The following VPS35L variants were observed in gnomAD, a reference collection of about 807,000 sequenced individuals.
The protein encoded by VPS35L is VPS35 endosomal protein-sorting factor-like.
Under a neutral mutation model 133.0 loss-of-function variants are expected in VPS35L, and 83 were observed. The ratio of observed to expected loss-of-function variants is 0.62; its 90% CI spans 0.52 to 0.75. The LOEUF (loss-of-function observed/expected upper bound fraction) is 0.75, where lower values mean the gene tolerates loss of function less well. Among genes scored for constraint, VPS35L ranks in the 30% least tolerant of loss-of-function variants. The pLI, the probability that VPS35L is intolerant of heterozygous loss-of-function variation, is 0.00. For missense variants in VPS35L, 1,083 were observed against 1,206.8 expected, an observed-to-expected ratio of 0.90 and a Z score of 1.52; for synonymous variants, 423 against 449.9, an observed-to-expected ratio of 0.94 and a Z score of 0.76.
Position 19,682,233 on chromosome 16 carries a change from T to G in VPS35L, c.2370T>G (p.Pro790=). 6 of 1,614,122 alleles carry G rather than the reference T, an allele frequency of 3.7e-6. No homozygotes were observed. Among genetic ancestry groups the G allele is most frequent in the Non-Finnish European group, 5.1e-6 (6 of 1,179,994 alleles). The change falls in exon 28 of 31, where the codon CCT becomes CCG. Residue 790 remains proline (P), a synonymous_variant. Transcript: ENST00000417362. ...FSTLLIVPDH[P]EHGVLFLVRE... is the part of the protein sequence containing the mutation. ...TTTCGGTTCTCTGCTAGGATCATCC[T>G]GAACATGGGGTCCTGTTTCTTGTTC...
chr16:19,603,970 G>A (rs946738720), intron 9 of VPS35L, among the ~76,000 whole-genome samples: 8 of 151,948 alleles, frequency 5.3e-5, no homozygotes, highest in Non-Finnish European at 8.8e-5. Flanking sequence ...GACCTCAGGT[G>A]ATCCACCCAC....
chr16:19,609,743 A>G (rs948079942), intron 11 of VPS35L, among the ~76,000 whole-genome samples: 8 of 152,134 alleles, frequency 5.3e-5, no homozygotes, highest in Non-Finnish European at 1.2e-4. Context: ...TTGGATTTGG[A>G]TCTAGGGTTG....
chr16:19,653,103 A>G (rs1974186583), intron 26 of VPS35L, among the ~76,000 whole-genome samples: 1 of 152,218 alleles, frequency 6.6e-6, no homozygotes, highest in Admixed American at 6.5e-5. Context: ...CAAGGAAGAC[A>G]GGTGATTTTC....
intron 8 of VPS35L, among the ~76,000 whole-genome samples, chr16:19,594,643 TCAA>T (rs1972145471): frequency 9.6e-5 from 1 of 10,374 alleles, no homozygotes; most frequent in African/African-American, 3.1e-4. Context: ...AGATTTCGTC[TCAA>T]AAAAAAAAAA....
chr16:19,694,464 T>G (rs1222397899), intron 29 of VPS35L: 3 of 152,064 alleles, frequency 2.0e-5, no homozygotes, highest in Non-Finnish European at 2.9e-5. Context: ...AAGCTTGTCT[T>G]AGCTTTTTCC....
At chr16:19,630,296 T>C (rs1973405816) in intron 18 of VPS35L, among the ~76,000 whole-genome samples, 1 of 151,238 alleles carries the variant, frequency 6.6e-6, no homozygotes, top group Non-Finnish European at 1.5e-5. Flanking sequence ...CTTGCCAGAG[T>C]AATTTGTTTA....
chr16:19,636,035 A>G (rs1284186261), intron 19 of VPS35L, among the ~76,000 whole-genome samples: 1 of 151,976 alleles, frequency 6.6e-6, no homozygotes, highest in East Asian at 1.9e-4. Flanking sequence ...AAAATATAAA[A>G]ATTAGATGGG....
At chr16:19,591,914 G>T in intron 8 of VPS35L, 40 bp downstream of exon 8, 3 of 1,470,998 alleles carry the variant, frequency 2.0e-6, no homozygotes, top group Non-Finnish European at 2.9e-6. Context: ...TAGGAAATGT[G>T]TTCGTTTTGT....
chr16:19,608,796 G>A (rs1972617248), intron 10 of VPS35L, 178 bp from the exon 11 acceptor site: 1 of 555,708 alleles, frequency 1.8e-6, no homozygotes, highest in African/African-American at 1.9e-5. Context: ...AAATAAGTAT[G>A]AAACTTTGAA....
rs772036555 is a variant in VPS35L, at chr16:19,647,881, A to G, written c.2027A>G (p.His676Arg). 3 of 1,607,270 alleles carry G rather than the reference A, an allele frequency of 1.9e-6. No homozygotes were observed. The highest frequency in any genetic ancestry group is 2.6e-6 in the Non-Finnish European group (3 of 1,173,972). The change falls in exon 24 of 31, where the codon CAT (histidine) becomes CGT (arginine). Residue 676 changes from histidine to arginine, a missense_variant and splice_region_variant. Physicochemically the swap from His to Arg is conservative, Grantham distance 29 (BLOSUM62 0). Coordinates refer to ENST00000417362, the MANE Select transcript of VPS35L (RefSeq NM_020314.7). ...NLEPVLVQLI[H>R]SVNRLAMETR... Reference sequence around the variant, plus strand: ...GAGCCTGTTCTTGTGCAGTTGATTCATGTAAGTATTTTCATTCATTAGTTT... The same window carrying G: ...GAGCCTGTTCTTGTGCAGTTGATTCGTGTAAGTATTTTCATTCATTAGTTT...
At chr16:19,604,016 G>A (rs1032668364) in intron 9 of VPS35L, among the ~76,000 whole-genome samples, 1 of 152,116 alleles carries the variant, frequency 6.6e-6, no homozygotes, top group African/African-American at 2.4e-5. Flanking sequence ...ACAGGCATGA[G>A]CCACCACGCC....
chr16:19,685,232 C>G (rs1975417984), intron 28 of VPS35L, among the ~76,000 whole-genome samples: 1 of 152,208 alleles, frequency 6.6e-6, no homozygotes, highest in Non-Finnish European at 1.5e-5. Context: ...ACACCACTCT[C>G]TCTCCTGACT....
chr16:19,629,427 C>T (rs756238555), intron 17 of VPS35L, among the ~76,000 whole-genome samples: 7 of 151,922 alleles, frequency 4.6e-5, no homozygotes, highest in Non-Finnish European at 1.0e-4. Flanking sequence ...TTCTCACAGC[C>T]TTAAGATGTG....
chr16:19,692,280 G>A (rs771009356), intron 29 of VPS35L, among the ~76,000 whole-genome samples: 1 of 152,106 alleles, frequency 6.6e-6, no homozygotes, highest in Non-Finnish European at 1.5e-5. Context: ...TGCAGAGCCC[G>A]GCCTGCGGCA....
chr16:19,602,154 G>A (rs1597348550), intron 9 of VPS35L, among the ~76,000 whole-genome samples: 1 of 152,144 alleles, frequency 6.6e-6, no homozygotes, highest in East Asian at 1.9e-4. Context: ...ATACCCAAAT[G>A]ATTTTGCATT....
intron 8 of VPS35L, among the ~76,000 whole-genome samples, chr16:19,595,264 C>T (rs946357744): frequency 6.6e-6 from 1 of 152,076 alleles, no homozygotes; most frequent in Admixed American, 6.5e-5. Flanking sequence ...GGGGGTAGAG[C>T]CCGGAGCCTG....
chr16:19,658,551 C>T (rs1046855056), intron 26 of VPS35L, among the ~76,000 whole-genome samples: 6 of 151,960 alleles, frequency 3.9e-5, no homozygotes, highest in Non-Finnish European at 7.4e-5. Flanking sequence ...GAAAAAGAGA[C>T]GACAGGCCAT....
chr16:19,621,217 C>T (rs1044359814), intron 14 of VPS35L, among the ~76,000 whole-genome samples: 1 of 152,040 alleles, frequency 6.6e-6, no homozygotes, highest in Admixed American at 6.6e-5. Flanking sequence ...AACTAGGCTT[C>T]TGTAATAATA....
intron 19 of VPS35L, among the ~76,000 whole-genome samples, chr16:19,634,255 C>T (rs1474315093): frequency 3.3e-5 from 5 of 151,614 alleles, no homozygotes; most frequent in African/African-American, 9.7e-5. Context: ...AGTTCAAGAC[C>T]AGTCTGGGCC....
Sources: allele counts gnomAD v4.1 joint callset (sites outside exome capture counted in the v4.1 genomes callset), GRCh38; gene constraint gnomAD v4.1.1; transcripts MANE v1.5; gene names NCBI Gene and HGNC (gene_info 2026-07-23, HGNC 2026-07-21).